The following HP1BP3 variants were observed in gnomAD, a reference collection of about 807,000 sequenced individuals.
The protein encoded by HP1BP3 is heterochromatin protein 1 binding protein 3, also known as heterochromatin protein 1-binding protein 3.
HP1BP3 carries 12 observed loss-of-function variants against 62.5 expected under a neutral mutation model. That is an observed-to-expected ratio of 0.19 (90% CI 0.12 to 0.31). The LOEUF is 0.31. Ranked by LOEUF, HP1BP3 falls within the 10% of genes least tolerant of loss-of-function variation. The probability of loss-of-function intolerance (pLI) is 1.00; values close to 1 mark genes in which losing one functional copy is unlikely to be tolerated. For synonymous variants in HP1BP3, 260 were observed against 237.8 expected, an observed-to-expected ratio of 1.09 and a Z score of -0.86; for missense variants, 502 against 651.8, an observed-to-expected ratio of 0.77 and a Z score of 2.50.
At chr1:20,779,729 AT>A in intron 3 of HP1BP3, 82 bp downstream of exon 3, 1 of 850,100 alleles carries the variant, frequency 1.2e-6, no homozygotes, top group South Asian at 1.8e-5. Context: ...AAAAAAAACA[AT>A]TAAGTTCAAA....
At chr1:20,753,347 A>G (rs1396911559) in intron 9 of HP1BP3, among the ~76,000 whole-genome samples, 1 of 152,166 alleles carries the variant, frequency 6.6e-6, no homozygotes, top group African/African-American at 2.4e-5. Context: ...AGAGCCTGTC[A>G]TGTAAAAAAA....
At chr1:20,769,370 C>T (rs139945984) in intron 6 of HP1BP3, among the ~76,000 whole-genome samples, 1 of 152,062 alleles carries the variant, frequency 6.6e-6, no homozygotes, top group Non-Finnish European at 1.5e-5. Flanking sequence ...CCAGCCTGGG[C>T]AACATGGCAA....
At chr1:20,751,036 C>T (rs1425345568) in intron 9 of HP1BP3, among the ~76,000 whole-genome samples, 2 of 151,838 alleles carry the variant, frequency 1.3e-5, no homozygotes, top group Non-Finnish European at 2.9e-5. Context: ...AGGCTAGTCT[C>T]GAACTCCAGA....
Position 20,742,636 on chromosome 1 carries a change from A to C in HP1BP3, c.*2161T>G, listed in dbSNP as rs12121807. On this transcript the variant is annotated 3_prime_UTR_variant, in exon 13 of 13. Transcript: ENST00000438032. ...GGGCGACACTTAGCTACTTCTGAGGATATACTATACTCAAAACCTTTAAAT... is the reference window on the plus strand; with the variant it reads ...GGGCGACACTTAGCTACTTCTGAGGCTATACTATACTCAAAACCTTTAAAT... 0.41 allele frequency: 62,762 copies of C among 152,392 alleles called. 13,216 individuals are homozygous for C. Among genetic ancestry groups the C allele is most frequent in the African/African-American group, 0.43 (17,791 of 41,396 alleles). 9.4% of individuals were successfully genotyped at this position (152,392 alleles called of 1,614,324 possible).
Position 20,776,588 on chromosome 1 carries a change from ACTC to A in HP1BP3, c.350+6_350+8del. 1 of 1,601,396 alleles carries A rather than the reference ACTC, an allele frequency of 6.2e-7. No individual in the cohort carries two copies. On this transcript the variant is annotated splice_donor_region_variant and intron_variant, in intron 4 of 12. Coordinates refer to ENST00000438032, the MANE Select transcript of HP1BP3 (RefSeq NM_001372052.1). ...CAAATATAAATAGCAAGAAGACATA[ACTC>A]CTTACTCCTTTTTGGTTTCCTCAGA... is the stretch of plus-strand genomic sequence containing the variant.
chr1:20,741,157 A>C lies in HP1BP3; in HGVS notation c.*3640T>G, dbSNP rs1354668900. On this transcript the variant is annotated 3_prime_UTR_variant, in exon 13 of 13. Coordinates refer to ENST00000438032, the MANE Select transcript of HP1BP3 (RefSeq NM_001372052.1). ...TAGCTAAAATTAGAATTTTTGCTTA[A>C]TCCAAAGAAAGATAAATTAATCAGG... 1.3e-5 allele frequency among the ~76,000 whole-genome samples: 2 copies of C among 152,234 alleles called. No individual in the cohort carries two copies. The highest frequency in any genetic ancestry group is 2.9e-5 in the Non-Finnish European group (2 of 68,042).
intron 2 of HP1BP3, 148 bp downstream of exon 2, chr1:20,780,196 AG>A: frequency 3.1e-6 from 2 of 636,612 alleles, no homozygotes; most frequent in East Asian, 5.5e-5. Flanking sequence ...TTGAGGGGAA[AG>A]GGAAGATGAA....
At position 20,744,219 on chromosome 1, in the gene HP1BP3, T is replaced by C. The variant is rs571042018; in HGVS notation, c.*578A>G. ...CCAAAGGAGTCATATATCTTCAAAA[T>C]CTAATGAGATCACCCTGTTTTTGGC... On this transcript the variant is annotated 3_prime_UTR_variant, in exon 13 of 13. Transcript: ENST00000438032. The C allele has an allele frequency of 6.5e-5, 10 of 152,820 alleles. No individual in the cohort carries two copies. Among genetic ancestry groups the C allele is most frequent in the African/African-American group, 2.4e-4 (10 of 41,556 alleles). The allele number at this position is 152,820 out of a possible 1,614,324, so 9.5% of individuals were successfully genotyped here. A position where few individuals can be genotyped will look rare whatever the true frequency, so the allele number is the denominator to read the frequency against.
chr1:20,784,667 G>T (rs932988834), intron 1 of HP1BP3, among the ~76,000 whole-genome samples: 8 of 151,834 alleles, frequency 5.3e-5, no homozygotes, highest in Non-Finnish European at 4.4e-5. Flanking sequence ...CAGTAGAGAC[G>T]GGGTTTCACC....
In HP1BP3 at chr1:20,742,381, T is replaced by C. The variant is rs2055107121; in HGVS notation, c.*2416A>G. ...ATTTTTTCTAGTCCAAGGACTTATC[T>C]GAATATTGAACATTTATTGAACATG... On this transcript the variant is annotated 3_prime_UTR_variant, in exon 13 of 13. Transcript: ENST00000438032. 1.3e-5 allele frequency among the ~76,000 whole-genome samples: 2 copies of C among 152,226 alleles called. No homozygotes were observed. The highest frequency in any genetic ancestry group is 4.1e-4 in the South Asian group (2 of 4,828).
At chr1:20,758,503 C>T (rs907483274) in intron 8 of HP1BP3, among the ~76,000 whole-genome samples, 4 of 152,092 alleles carry the variant, frequency 2.6e-5, no homozygotes, top group African/African-American at 4.8e-5. Flanking sequence ...CGTGCCACCA[C>T]GCCCGGCTAA....
At chr1:20,771,152 G>T in intron 5 of HP1BP3, 79 bp from the exon 6 acceptor site, 1 of 1,251,866 alleles carries the variant, frequency 8.0e-7, no homozygotes, top group Non-Finnish European at 1.1e-6. Flanking sequence ...AATTATTTTG[G>T]AAGTGAATTT....
At chr1:20,748,138 A>G (rs2055458583) in intron 10 of HP1BP3, among the ~76,000 whole-genome samples, 1 of 152,034 alleles carries the variant, frequency 6.6e-6, no homozygotes, top group Non-Finnish European at 1.5e-5. Context: ...GACTTGCTCT[A>G]AGGTAGCACA....
At chr1:20,762,552 CGACA>C (rs1026580707) in intron 8 of HP1BP3, among the ~76,000 whole-genome samples, 19 of 152,234 alleles carry the variant, frequency 1.2e-4, no homozygotes, top group East Asian at 3.9e-4. Flanking sequence ...TGCAGACAAA[CGACA>C]GACAGAACTT....
At position 20,771,015 on chromosome 1, in the gene HP1BP3, T is replaced by C; in HGVS notation, c.569A>G (p.Lys190Arg). Residue 190 changes from lysine (K) to arginine (R), a missense_variant, in exon 6 of 13, where the codon AAG (lysine) becomes AGG (arginine). By Grantham distance (26) the Lys-to-Arg change is conservative. Coordinates refer to ENST00000438032, the MANE Select transcript of HP1BP3 (RefSeq NM_001372052.1). ...VVAIRKYIIH[K>R]YPSLELERRG... ...TCTCTCCAGCTCCAGAGAAGGATAC[T>C]TATGGATGATGTATTTTCGAATAGC... 1 of 1,610,680 alleles carries C rather than the reference T, an allele frequency of 6.2e-7. No individual in the cohort carries two copies. Among genetic ancestry groups the C allele is most frequent in the South Asian group, 1.1e-5 (1 of 90,402 alleles).
intron 10 of HP1BP3, among the ~76,000 whole-genome samples, chr1:20,749,358 T>C (rs2055559982): frequency 6.8e-6 from 1 of 147,912 alleles, no homozygotes; most frequent in Non-Finnish European, 1.5e-5. Flanking sequence ...TTTCTTTTCT[T>C]TTCTTTTCTT....
chr1:20,785,159 T>C (rs1402385593), intron 1 of HP1BP3, among the ~76,000 whole-genome samples: 1 of 152,078 alleles, frequency 6.6e-6, no homozygotes, highest in Non-Finnish European at 1.5e-5. Flanking sequence ...GCGATCCTCC[T>C]CTTTGGCCTC....
chr1:20,767,780 A>G (rs2056857308), intron 6 of HP1BP3, 116 bp from the exon 7 acceptor site: 1 of 525,612 alleles, frequency 1.9e-6, no homozygotes, highest in Non-Finnish European at 3.3e-6. Context: ...TCTTCAGAGA[A>G]AAAAAAAAAA....
intron 12 of HP1BP3, among the ~76,000 whole-genome samples, chr1:20,745,317 A>C (rs1336897928): frequency 1.3e-5 from 2 of 152,200 alleles, no homozygotes; most frequent in Non-Finnish European, 2.9e-5. Context: ...GGAAATATGT[A>C]ATTATTTTTC....
Sources: gnomAD v4.1 joint callset for allele counts (sites outside exome capture counted in the v4.1 genomes callset) on GRCh38, gnomAD v4.1.1 for gene constraint, MANE v1.5 for transcripts, NCBI Gene and HGNC (gene_info 2026-07-23, HGNC 2026-07-21) for gene names.